Variants in GLS observed in about 807,000 individuals in gnomAD.
GLS encodes the protein glutaminase, also known as glutaminase kidney isoform, mitochondrial.
In GLS, 36 loss-of-function variants were observed where a neutral mutation model predicts 86.7. That is an observed-to-expected ratio of 0.42 (90% confidence interval 0.32 to 0.55). The LOEUF (loss-of-function observed/expected upper bound fraction) is 0.55. Among genes scored for constraint, GLS ranks in the 20% least tolerant of loss-of-function variants. GLS has a pLI of 0.17. For missense variants in GLS, 528 were observed against 833.4 expected (o/e 0.63, Z 4.51); for synonymous variants, 317 against 305.9 (o/e 1.04, Z -0.38).
At position 190,935,143 on chromosome 2, in the gene GLS, A is replaced by G; in HGVS notation, c.1650+3506A>G. 1 of 932,744 alleles carries G rather than the reference A, an allele frequency of 1.1e-6. No homozygotes were observed. The highest frequency in any genetic ancestry group is 1.3e-6 in the Non-Finnish European group (1 of 782,152). The allele number at this position is 932,744 out of a possible 1,614,324, so 57.8% of individuals were successfully genotyped here. ...ATTGTTCTTGAAGTACTTTGTTTTT[A>G]GCATAAATGTTGTGCATTTTATCTT... On this transcript the variant is annotated intron_variant, in intron 14 of 17. Transcript: ENST00000320717. The surrounding 1 kb of genome is among the most constrained non-coding windows in gnomAD (Gnocchi z 4.2).
chr2:190,940,791 T>C (rs531203182), intron 14 of GLS, among the ~76,000 whole-genome samples: 1 of 152,044 alleles, frequency 6.6e-6, no homozygotes, highest in African/African-American at 2.4e-5. Flanking sequence ...CTCCTCATGT[T>C]GTTTTCTTCT....
chr2:190,924,617 T>G lies in GLS; in HGVS notation c.1248+24T>G. On this transcript the variant is annotated intron_variant, in intron 11 of 17. Coordinates refer to ENST00000320717, the MANE Select transcript of GLS (RefSeq NM_014905.5). The surrounding 1 kb of genome is among the most constrained non-coding windows in gnomAD (Gnocchi z 5.2). ...AGGTAATCTAATTATGTAAATCGTA[T>G]ATATAAATGGATGTGTCGGCTGGGC... 7.8e-7 allele frequency: 1 copy of G among 1,278,250 alleles called. No individual in the cohort carries two copies. Among genetic ancestry groups the G allele is most frequent in the Non-Finnish European group, 1.1e-6 (1 of 873,584 alleles). The allele number at this position is 1,278,250 out of a possible 1,614,324, so 79.2% of individuals were successfully genotyped here. A position where few individuals can be genotyped will look rare whatever the true frequency, so the allele number is the denominator to read the frequency against.
intron 12 of GLS, among the ~76,000 whole-genome samples, chr2:190,929,369 T>C (rs1251685541): frequency 1.3e-5 from 2 of 152,132 alleles, no homozygotes; most frequent in Non-Finnish European, 2.9e-5. Context: ...TCAGGAAGAA[T>C]AAAAGCATCC....
intron 7 of GLS, among the ~76,000 whole-genome samples, chr2:190,916,173 T>C (rs1015507407): frequency 1.3e-5 from 2 of 152,140 alleles, no homozygotes; most frequent in Non-Finnish European, 2.9e-5. Context: ...AGAAAAATAC[T>C]CAAAAGGAAA....
At chr2:190,932,913 C>A in intron 14 of GLS, 2 of 1,386,896 alleles carry the variant, frequency 1.4e-6, no homozygotes, top group Non-Finnish European at 1.9e-6. Context: ...TTTCAAACAT[C>A]TTTAGCTTTT....
chr2:190,891,377 G>A (rs114000177), intron 1 of GLS, among the ~76,000 whole-genome samples: 1,640 of 152,040 alleles, frequency 0.011, 38 homozygotes, highest in African/African-American at 0.037. Flanking sequence ...AGAGAATCTG[G>A]TGGGGGCAAA....
intron 1 of GLS, among the ~76,000 whole-genome samples, chr2:190,893,092 G>T (rs1035934741): frequency 2.0e-5 from 3 of 152,098 alleles, no homozygotes; most frequent in African/African-American, 7.2e-5. Context: ...CCAACCATTT[G>T]CTGTAAATAA....
Position 190,953,629 on chromosome 2 carries a change from A to G in GLS, c.1712+3A>G. 6.3e-7 allele frequency: 1 copy of G among 1,587,402 alleles called. No individual in the cohort carries two copies. Among genetic ancestry groups the G allele is most frequent in the Non-Finnish European group, 8.7e-7 (1 of 1,155,826 alleles). On this transcript the variant is annotated splice_donor_region_variant and intron_variant, in intron 15 of 17. Transcript: ENST00000320717. This position sits in a 1 kb window ranked among gnomAD's most constrained non-coding sequence, Gnocchi z 4.0. ...GGAGATGTGTCTGCACTTCGAAGGT[A>G]TGTTTACAGGATGGATTAGCATGCA...
rs1041218679 is a variant in GLS at position 190,964,945 on chromosome 2, T to TTCA, written c.*1962_*1964dup. The TTCA allele has an allele frequency of 1.3e-5, 2 of 152,154 alleles. No individual in the cohort carries two copies. Among genetic ancestry groups the TTCA allele is most frequent in the African/African-American group, 4.8e-5 (2 of 41,446 alleles). The allele number at this position is 152,154 out of a possible 1,614,324, so 9.4% of individuals were successfully genotyped here. On this transcript the variant is annotated 3_prime_UTR_variant, in exon 18 of 18. Coordinates refer to ENST00000320717, the MANE Select transcript of GLS (RefSeq NM_014905.5). This position sits in a 1 kb window ranked among gnomAD's most constrained non-coding sequence, Gnocchi z 5.2. ...CCATTATTTGGGAACAAAGAGAGTT[T>TTCA]TCATCTTTTTTCAGATCAAAACCAT...
rs776928429 is a variant in GLS, at chr2:190,905,108, G to A, written c.920G>A (p.Arg307Gln). The stretch of plus-strand genomic sequence containing the variant: ...GATCTTGGAACTGAATATGTGCATC[G>A]ATATGTTGGAAAAGAGCCGAGTGGA... ...VNDLGTEYVH[R>Q]YVGKEPSGLR... Residue 307 changes from arginine to glutamine, a missense_variant, in exon 6 of 18, where the codon CGA (arginine) becomes CAA (glutamine). Physicochemically the swap from Arg to Gln is conservative, Grantham distance 43. Transcript: ENST00000320717. The surrounding 1 kb of genome is among the most constrained non-coding windows in gnomAD (Gnocchi z 4.6). The A allele has an allele frequency of 3.1e-6, 5 of 1,604,662 alleles. No individual in the cohort carries two copies. The highest frequency in any genetic ancestry group is 1.6e-4 in the Middle Eastern group (1 of 6,072).
intron 1 of GLS, among the ~76,000 whole-genome samples, chr2:190,889,889 C>T (rs977286445): frequency 1.3e-5 from 2 of 152,160 alleles, no homozygotes; most frequent in African/African-American, 4.8e-5. Flanking sequence ...ATAATCTCAT[C>T]TTTGCTTTGA....
At chr2:190,926,467 G>C (rs1689899339) in intron 11 of GLS, among the ~76,000 whole-genome samples, 1 of 151,880 alleles carries the variant, frequency 6.6e-6, no homozygotes, top group Non-Finnish European at 1.5e-5. Context: ...GAGTATGGCT[G>C]AGGAAAATTT....
At chr2:190,894,422 T>C (rs1688660662) in intron 1 of GLS, among the ~76,000 whole-genome samples, 1 of 152,206 alleles carries the variant, frequency 6.6e-6, no homozygotes, top group Non-Finnish European at 1.5e-5. Flanking sequence ...GACTAGGATA[T>C]GTAAACCTAG....
At chr2:190,884,833 T>C (rs1045994039) in intron 1 of GLS, among the ~76,000 whole-genome samples, 1 of 152,206 alleles carries the variant, frequency 6.6e-6, no homozygotes, top group African/African-American at 2.4e-5. Context: ...CCTTCTCAGA[T>C]TGGCAGATGT....
rs989311200 is a variant in GLS at position 190,947,860 on chromosome 2, A to G, written c.1651-5705A>G. Reference sequence around the variant, plus strand: ...GCCCCTCTCCTTCAGTTTGTTTGCTATGATAGGCATTCCAGAGGGTGTGTC... The same window carrying G: ...GCCCCTCTCCTTCAGTTTGTTTGCTGTGATAGGCATTCCAGAGGGTGTGTC... On this transcript the variant is annotated intron_variant, in intron 14 of 17. Transcript: ENST00000320717. This position sits in a 1 kb window ranked among gnomAD's most constrained non-coding sequence, Gnocchi z 5.0. 6.6e-6 allele frequency among the ~76,000 whole-genome samples: 1 copy of G among 152,122 alleles called. No homozygotes were observed. Among genetic ancestry groups the G allele is most frequent in the African/African-American group, 2.4e-5 (1 of 41,434 alleles).
At chr2:190,952,591 G>A (rs1178887894) in intron 14 of GLS, among the ~76,000 whole-genome samples, 2 of 152,192 alleles carry the variant, frequency 1.3e-5, no homozygotes, top group African/African-American at 4.8e-5. Context: ...GAATGTCCGG[G>A]TTAAGATCTT....
In GLS at chr2:190,927,374, C is replaced by G; in HGVS notation, c.1317C>G (p.Phe439Leu). 6.2e-7 allele frequency: 1 copy of G among 1,613,862 alleles called. No homozygotes were observed. The highest frequency in any genetic ancestry group is 8.5e-7 in the Non-Finnish European group (1 of 1,179,806). Residue 439 changes from phenylalanine to leucine, a missense_variant, in exon 12 of 18, where the codon TTC (phenylalanine) becomes TTG (leucine). Phe to Leu is a conservative substitution (Grantham distance 22, BLOSUM62 0). Transcript: ENST00000320717. ...CTGCGACACTGGCTAATGGTGGTTTCTGCCCAATTACTGGTGAAAGAGTAC... is the reference window on the plus strand; with the variant it reads ...CTGCGACACTGGCTAATGGTGGTTTGTGCCCAATTACTGGTGAAAGAGTAC... ...VMAATLANGGFCPITGERVLS... is the reference protein window; with the variant it reads ...VMAATLANGGLCPITGERVLS...
At chr2:190,881,689 C>T (rs1057349434) in intron 1 of GLS, 2 of 460,518 alleles carry the variant, frequency 4.3e-6, no homozygotes, top group African/African-American at 2.1e-5. Flanking sequence ...CTTCCCTTCT[C>T]CGCCCCCGGC....
chr2:190,945,869 G>T (rs1396168709), intron 14 of GLS, among the ~76,000 whole-genome samples: 1 of 151,982 alleles, frequency 6.6e-6, no homozygotes, highest in Non-Finnish European at 1.5e-5. Context: ...TACTATATGA[G>T]AACCTCCTGC....
Sources: gnomAD v4.1 joint callset for allele counts (sites outside exome capture counted in the v4.1 genomes callset) on GRCh38, gnomAD v4.1.1 for gene constraint, Gnocchi (gnomAD v3.1) non-coding constraint, MANE v1.5 for transcripts, NCBI Gene and HGNC (gene_info 2026-07-23, HGNC 2026-07-21) for gene names.